The following KCNH1 variants were observed in gnomAD, a reference collection of about 807,000 sequenced individuals.
The protein encoded by KCNH1 is voltage-gated delayed rectifier potassium channel KCNH1.
KCNH1 carries 27 observed loss-of-function variants against 69.2 expected under a neutral mutation model. The ratio of observed to expected loss-of-function variants is 0.39; its 90% CI spans 0.29 to 0.54. KCNH1 has a LOEUF of 0.54. KCNH1 is among the 20% of genes least tolerant of loss of function. The pLI is 0.68. For synonymous variants in KCNH1, 456 were observed against 487.7 expected (o/e 0.93, Z 0.86); for missense variants, 798 against 1,261.6 (o/e 0.63, Z 5.57).
intron 5 of KCNH1, among the ~76,000 whole-genome samples, chr1:211,038,552 T>G (rs956602589): frequency 2.0e-5 from 3 of 152,184 alleles, no homozygotes; most frequent in Admixed American, 2.0e-4. Context: ...AGTTTGGAAC[T>G]TCCTAGAGAC....
chr1:210,860,840 GAAGT>G (rs1685962216), intron 7 of KCNH1: 1 of 910,646 alleles, frequency 1.1e-6, no homozygotes, highest in Non-Finnish European at 1.8e-6. Flanking sequence ...CAAAAATAGT[GAAGT>G]ACTCAGCAAG....
chr1:211,032,349 T>C (rs1001691387), intron 5 of KCNH1, among the ~76,000 whole-genome samples: 1 of 152,202 alleles, frequency 6.6e-6, no homozygotes, highest in African/African-American at 2.4e-5. Flanking sequence ...AGGTAATTTA[T>C]AGATTCAATG....
chr1:211,092,738 G>A (rs1410481915), intron 3 of KCNH1, among the ~76,000 whole-genome samples: 1 of 151,828 alleles, frequency 6.6e-6, no homozygotes, highest in African/African-American at 2.4e-5. Context: ...AAAACTCAAA[G>A]TAAAGTGTCA....
At chr1:211,067,859 G>A (rs1041806001) in intron 5 of KCNH1, among the ~76,000 whole-genome samples, 2 of 152,292 alleles carry the variant, frequency 1.3e-5, no homozygotes, top group Middle Eastern at 3.4e-3. Context: ...TTACCACCAG[G>A]TGACCTCGAA....
intron 5 of KCNH1, among the ~76,000 whole-genome samples, chr1:211,076,269 A>T (rs549446805): frequency 1.1e-4 from 17 of 152,372 alleles, no homozygotes; most frequent in African/African-American, 3.8e-4. Flanking sequence ...GAGAATGGAC[A>T]GACTGCCTCC....
At chr1:210,705,788 C>T (rs943670440) in intron 10 of KCNH1, among the ~76,000 whole-genome samples, 2 of 152,110 alleles carry the variant, frequency 1.3e-5, no homozygotes, top group African/African-American at 2.4e-5. Flanking sequence ...GCCATCTCTC[C>T]TTCCTTACCT....
At chr1:211,063,884 C>G (rs12079611) in intron 5 of KCNH1, 2 of 152,118 alleles carry the variant, frequency 1.3e-5, no homozygotes, top group Admixed American at 6.5e-5. Context: ...GTGATGGATA[C>G]CCCAATTACC....
At chr1:210,861,556 CT>C in intron 7 of KCNH1, 1 of 772,508 alleles carries the variant, frequency 1.3e-6, no homozygotes, top group Non-Finnish European at 2.4e-6. Context: ...GTGTTTCAGT[CT>C]TTAAAATTTC....
intron 6 of KCNH1, among the ~76,000 whole-genome samples, chr1:210,948,907 G>C (rs989244930): frequency 1.3e-5 from 2 of 151,440 alleles, no homozygotes; most frequent in African/African-American, 4.8e-5. Context: ...TTTATTTATG[G>C]ATGCTAAAAT....
At chr1:210,877,263 A>C (rs1326849502) in intron 7 of KCNH1, among the ~76,000 whole-genome samples, 1 of 152,130 alleles carries the variant, frequency 6.6e-6, no homozygotes, top group Non-Finnish European at 1.5e-5. Context: ...CAGGGACGTA[A>C]GTGGAAGGTG....
intron 7 of KCNH1, among the ~76,000 whole-genome samples, chr1:210,918,493 C>A (rs1277627515): frequency 6.6e-6 from 1 of 152,180 alleles, no homozygotes; most frequent in Non-Finnish European, 1.5e-5. Context: ...AGTTAGGTCC[C>A]TTCCTACATA....
intron 7 of KCNH1, among the ~76,000 whole-genome samples, chr1:210,816,341 T>C (rs1224800317): frequency 6.6e-6 from 1 of 152,170 alleles, no homozygotes; most frequent in African/African-American, 2.4e-5. Flanking sequence ...CAGCTACTTC[T>C]CATCTGTCGA....
intron 6 of KCNH1, among the ~76,000 whole-genome samples, chr1:210,994,021 G>C (rs1688978923): frequency 6.6e-6 from 1 of 152,090 alleles, no homozygotes; most frequent in Non-Finnish European, 1.5e-5. Flanking sequence ...CATTATCTTA[G>C]TGTTCATAAA....
At chr1:210,836,520 C>T (rs950620492) in intron 7 of KCNH1, among the ~76,000 whole-genome samples, 1 of 152,244 alleles carries the variant, frequency 6.6e-6, no homozygotes, top group Middle Eastern at 3.4e-3. Flanking sequence ...GATTCTGCTC[C>T]CTCATCTTCC....
chr1:210,780,254 A>T (rs1401716162), intron 9 of KCNH1, among the ~76,000 whole-genome samples: 1 of 152,192 alleles, frequency 6.6e-6, no homozygotes. Flanking sequence ...TGAGCTTGGC[A>T]GGTCTGGGAG....
intron 10 of KCNH1, among the ~76,000 whole-genome samples, chr1:210,688,035 G>A (rs1681444582): frequency 6.6e-6 from 1 of 152,158 alleles, no homozygotes; most frequent in Non-Finnish European, 1.5e-5. Flanking sequence ...AAAGTTCCAA[G>A]GTTAGGTAAG....
chr1:210,998,815 T>C (rs1689107321), intron 6 of KCNH1, among the ~76,000 whole-genome samples: 2 of 152,150 alleles, frequency 1.3e-5, no homozygotes. Flanking sequence ...AAACTGTCTC[T>C]CACACCACAG....
At chr1:210,777,021 G>A (rs886887284) in intron 9 of KCNH1, among the ~76,000 whole-genome samples, 9 of 152,082 alleles carry the variant, frequency 5.9e-5, no homozygotes, top group African/African-American at 1.9e-4. Context: ...CAAGAGGAAG[G>A]AAAAAATGCT....
At chr1:210,966,336 T>C (rs1335191940) in intron 6 of KCNH1, among the ~76,000 whole-genome samples, 3 of 152,180 alleles carry the variant, frequency 2.0e-5, no homozygotes, top group Non-Finnish European at 4.4e-5. Flanking sequence ...AAAGACTTCA[T>C]GACTAAAACA....
Sources: allele counts gnomAD v4.1 joint callset (sites outside exome capture counted in the v4.1 genomes callset), GRCh38; gene constraint gnomAD v4.1.1; transcripts MANE v1.5; gene names NCBI Gene and HGNC (gene_info 2026-07-23, HGNC 2026-07-21).